The following RBMS3 variants were observed in gnomAD, a reference collection of about 807,000 sequenced individuals.
RBMS3 encodes the protein RNA-binding motif, single-stranded-interacting protein 3.
In RBMS3, 27 loss-of-function variants were observed where a neutral mutation model predicts 66.8. The ratio of observed to expected loss-of-function variants is 0.40; its 90% CI spans 0.30 to 0.56. The LOEUF is 0.56. Ranked by LOEUF, RBMS3 falls within the 20% of genes least tolerant of loss-of-function variation. RBMS3 has a pLI of 0.40. For synonymous variants in RBMS3, 188 were observed against 183.0 expected, an observed-to-expected ratio of 1.03 and a Z score of -0.22; for missense variants, 513 against 549.5, an observed-to-expected ratio of 0.93 and a Z score of 0.66.
chr3:29,598,371 G>C (rs967799273), intron 4 of RBMS3, among the ~76,000 whole-genome samples: 1 of 152,020 alleles, frequency 6.6e-6, no homozygotes, highest in African/African-American at 2.4e-5. Flanking sequence ...ATACAGTAAA[G>C]AATGATCAAC....
chr3:29,574,460 G>T (rs548907672), intron 3 of RBMS3, among the ~76,000 whole-genome samples: 51 of 151,590 alleles, frequency 3.4e-4, no homozygotes, highest in African/African-American at 1.2e-3. Context: ...GTCTTTATAC[G>T]TGACGTGGGT....
chr3:29,807,960 GCA>G (rs2057609671), intron 6 of RBMS3, among the ~76,000 whole-genome samples: 1 of 151,598 alleles, frequency 6.6e-6, no homozygotes, highest in South Asian at 2.1e-4. Context: ...GCAAAACCAA[GCA>G]CAGTTTTCTA....
At chr3:29,977,880 A>T (rs1003965845) in intron 12 of RBMS3, among the ~76,000 whole-genome samples, 3 of 151,816 alleles carry the variant, frequency 2.0e-5, no homozygotes, top group African/African-American at 7.3e-5. Flanking sequence ...ATTATTGCAG[A>T]TATTTTCTAG....
At chr3:29,673,612 A>T (rs1472358728) in intron 4 of RBMS3, among the ~76,000 whole-genome samples, 2 of 152,206 alleles carry the variant, frequency 1.3e-5, no homozygotes, top group African/African-American at 4.8e-5. Flanking sequence ...ACCATCAGAG[A>T]ATACTGTAAA....
chr3:29,813,831 G>A (rs1220624429), intron 6 of RBMS3, among the ~76,000 whole-genome samples: 4 of 152,118 alleles, frequency 2.6e-5, no homozygotes, highest in Non-Finnish European at 5.9e-5. Context: ...CATTGATTTT[G>A]TATCCTGAGA....
chr3:29,356,586 T>C (rs2037234933), intron 1 of RBMS3, among the ~76,000 whole-genome samples: 1 of 152,180 alleles, frequency 6.6e-6, no homozygotes, highest in Non-Finnish European at 1.5e-5. Flanking sequence ...TTGCCAAATG[T>C]GCATATGAAA....
intron 3 of RBMS3, among the ~76,000 whole-genome samples, chr3:29,524,612 T>C (rs79605526): frequency 2.2e-5 from 1 of 45,034 alleles, no homozygotes; most frequent in African/African-American, 8.6e-5. Context: ...ATTTTATTTA[T>C]TTATTTTTTT....
At position 29,859,211 on chromosome 3, in the gene RBMS3, G is replaced by A. The variant is rs1188562672; in HGVS notation, c.638-9647G>A. ...TGATTTGTTTATTATTTTAAAACAA[G>A]CCATTATTAGAGGGGCAGCATACAT... is the stretch of plus-strand genomic sequence containing the variant. On this transcript the variant is annotated intron_variant, in intron 6 of 14. Transcript: ENST00000383767. Among the ~76,000 whole-genome samples, 3 of 152,088 alleles carry A rather than the reference G, an allele frequency of 2.0e-5. No homozygotes were observed. The East Asian group carries it at 5.8e-4, about 29-fold the overall frequency.
At chr3:29,907,504 C>A (rs1328526341) in intron 10 of RBMS3, among the ~76,000 whole-genome samples, 1 of 151,772 alleles carries the variant, frequency 6.6e-6, no homozygotes, top group Admixed American at 6.6e-5. Context: ...TTTCCTTTTG[C>A]CAATTTTATT....
rs1239429281 is a variant in RBMS3 at position 29,281,298 on chromosome 3, TAAA to T, written c.-382_-380del. The T allele has an allele frequency of 6.7e-6, 1 of 150,298 alleles. No individual in the cohort carries two copies. The highest frequency in any genetic ancestry group is 1.5e-4 in the East Asian group (1 of 6,632). The allele number at this position is 150,298 out of a possible 1,614,324, so 9.3% of individuals were successfully genotyped here. A position where few individuals can be genotyped will look rare whatever the true frequency, so the allele number is the denominator to read the frequency against. ...GATCTGCAAGGATTCGGAGTTGTGCTAAAAGGACTTTGATTTTTTTCCCCCTTT... is the reference window on the plus strand; with the variant it reads ...GATCTGCAAGGATTCGGAGTTGTGCTAGGACTTTGATTTTTTTCCCCCTTT... On this transcript the variant is annotated 5_prime_UTR_variant, in exon 1 of 15. Coordinates refer to ENST00000383767, the MANE Select transcript of RBMS3 (RefSeq NM_001003793.3).
intron 12 of RBMS3, among the ~76,000 whole-genome samples, chr3:29,973,106 G>T (rs1697329655): frequency 6.6e-6 from 1 of 151,984 alleles, no homozygotes; most frequent in Non-Finnish European, 1.5e-5. Context: ...TTTAAAGACT[G>T]ATAATAAATG....
At chr3:29,860,110 A>C (rs1279659477) in intron 6 of RBMS3, among the ~76,000 whole-genome samples, 1 of 152,208 alleles carries the variant, frequency 6.6e-6, no homozygotes, top group Non-Finnish European at 1.5e-5. Context: ...TTAGCTTCAG[A>C]CACTTATTTC....
chr3:29,944,116 C>A (rs1695139597), intron 11 of RBMS3, 91 bp from the exon 12 acceptor site: 1 of 1,176,706 alleles, frequency 8.5e-7, no homozygotes, highest in Non-Finnish European at 1.2e-6. Flanking sequence ...CCATATGACA[C>A]ACAGCGGACT....
chr3:29,624,487 A>T (rs1559517785), intron 4 of RBMS3, among the ~76,000 whole-genome samples: 1 of 152,144 alleles, frequency 6.6e-6, no homozygotes, highest in Non-Finnish European at 1.5e-5. Context: ...CGAGTCCATA[A>T]GTATCTAGTA....
intron 5 of RBMS3, among the ~76,000 whole-genome samples, chr3:29,762,342 A>G (rs528200818): frequency 1.4e-5 from 2 of 147,580 alleles, no homozygotes; most frequent in Non-Finnish European, 1.5e-5. Flanking sequence ...CGACTACATT[A>G]CTATACCAAT....
chr3:29,519,529 T>C (rs886434862), intron 3 of RBMS3, among the ~76,000 whole-genome samples: 1 of 152,200 alleles, frequency 6.6e-6, no homozygotes, highest in African/African-American at 2.4e-5. Context: ...CTCAGTCCTA[T>C]GCCATTCTCC....
chr3:29,370,587 G>A (rs144221940), intron 1 of RBMS3, among the ~76,000 whole-genome samples: 137 of 152,264 alleles, frequency 9.0e-4, no homozygotes, highest in African/African-American at 3.1e-3. Context: ...TAGATTCCAA[G>A]TGTCTAATAA....
At chr3:29,558,825 C>T (rs372974019) in intron 3 of RBMS3, among the ~76,000 whole-genome samples, 3 of 152,214 alleles carry the variant, frequency 2.0e-5, no homozygotes, top group African/African-American at 7.2e-5. Flanking sequence ...TTCTAAGTTC[C>T]CAGGTGATGC....
chr3:29,701,789 G>A (rs1170788040), intron 4 of RBMS3, among the ~76,000 whole-genome samples: 1 of 152,116 alleles, frequency 6.6e-6, no homozygotes, highest in Non-Finnish European at 1.5e-5. Context: ...ATTCTCACCG[G>A]GCCTCAGCTG....
Sources: gnomAD v4.1 joint callset for allele counts (sites outside exome capture counted in the v4.1 genomes callset) on GRCh38, gnomAD v4.1.1 for gene constraint, MANE v1.5 for transcripts, NCBI Gene and HGNC (gene_info 2026-07-23, HGNC 2026-07-21) for gene names.